CDYL: variants seen among roughly 807,000 people sequenced by gnomAD.
The protein encoded by CDYL is chromodomain Y-like protein.
In CDYL, 8 loss-of-function variants were observed where a neutral mutation model predicts 47.3. The ratio of observed to expected loss-of-function variants is 0.17; its 90% CI spans 0.10 to 0.31. The LOEUF (loss-of-function observed/expected upper bound fraction) is 0.31. Among genes scored for constraint, CDYL ranks in the 10% least tolerant of loss-of-function variants. The probability of loss-of-function intolerance (pLI) is 1.00; values close to 1 mark genes in which losing one functional copy is unlikely to be tolerated. For synonymous variants in CDYL, 266 were observed against 265.0 expected, an observed-to-expected ratio of 1.00 and a Z score of -0.04; for missense variants, 471 against 701.4, an observed-to-expected ratio of 0.67 and a Z score of 3.71.
At chr6:4,935,890 C>A in intron 3 of CDYL, 119 bp downstream of exon 3, 1 of 1,456,954 alleles carries the variant, frequency 6.9e-7, no homozygotes. Context: ...GGCCATCTCC[C>A]GATGCCCACC....
intron 1 of CDYL, among the ~76,000 whole-genome samples, chr6:4,819,363 C>A (rs922944175): frequency 6.6e-6 from 1 of 152,144 alleles, no homozygotes; most frequent in East Asian, 1.9e-4. Flanking sequence ...TCTCAAGCTT[C>A]CTTTGTTAAG....
At chr6:4,837,657 G>T (rs1220049596) in intron 1 of CDYL, among the ~76,000 whole-genome samples, 1 of 151,882 alleles carries the variant, frequency 6.6e-6, no homozygotes, top group African/African-American at 2.4e-5. Flanking sequence ...TAGAGACGAG[G>T]TTTCATCATG....
intron 3 of CDYL, among the ~76,000 whole-genome samples, chr6:4,759,036 C>A (rs1278326764): frequency 6.8e-6 from 1 of 147,470 alleles, no homozygotes; most frequent in Non-Finnish European, 1.5e-5. Context: ...GGCACGATCT[C>A]GGCTCACTGC....
chr6:4,816,417 A>T (rs1332249451), intron 1 of CDYL, among the ~76,000 whole-genome samples: 7 of 151,448 alleles, frequency 4.6e-5, no homozygotes, highest in African/African-American at 1.7e-4. Flanking sequence ...TTTATTTCCC[A>T]TCTGCTGGGT....
intron 1 of CDYL, among the ~76,000 whole-genome samples, chr6:4,790,464 A>G (rs1758888069): frequency 6.6e-6 from 1 of 152,212 alleles, no homozygotes; most frequent in Admixed American, 6.5e-5. Context: ...TCTTGGTATG[A>G]GGACTAGAGT....
intron 1 of CDYL, among the ~76,000 whole-genome samples, chr6:4,797,815 G>A (rs1301214517): frequency 6.6e-6 from 1 of 152,124 alleles, no homozygotes; most frequent in Non-Finnish European, 1.5e-5. Context: ...ACTGTGACTT[G>A]TTTATCCATT....
At chr6:4,738,240 G>T (rs1458182190) in intron 3 of CDYL, among the ~76,000 whole-genome samples, 1 of 152,098 alleles carries the variant, frequency 6.6e-6, no homozygotes, top group Non-Finnish European at 1.5e-5. Flanking sequence ...AGCCAGGCAT[G>T]GTGGTGCACA....
intron 3 of CDYL, among the ~76,000 whole-genome samples, chr6:4,743,542 G>A (rs932035508): frequency 7.2e-5 from 11 of 152,164 alleles, no homozygotes; most frequent in African/African-American, 2.7e-4. Context: ...TTTGCATGTT[G>A]CTTGCTTTAT....
At chr6:4,855,713 T>C (rs543004952) in intron 1 of CDYL, among the ~76,000 whole-genome samples, 1 of 152,182 alleles carries the variant, frequency 6.6e-6, no homozygotes, top group Admixed American at 6.5e-5. Context: ...CGTAAGCATA[T>C]AAGATGAAAA....
intron 2 of CDYL, among the ~76,000 whole-genome samples, chr6:4,894,927 G>GTATGTGCGTA (rs1723420225): frequency 6.8e-6 from 1 of 146,540 alleles, no homozygotes; most frequent in Admixed American, 6.7e-5. Flanking sequence ...ATACACATAT[G>GTATGTGCGTA]TATGTGTGTA....
rs540698977 is a variant in CDYL at position 4,931,037 on chromosome 6, A to G, written c.692-4478A>G. Reference sequence around the variant, plus strand: ...CAGCTACTTCTGCTCTGAAGTGTGGAGCTTACCATCCCTGGCTTGGGTTGA... The same window carrying G: ...CAGCTACTTCTGCTCTGAAGTGTGGGGCTTACCATCCCTGGCTTGGGTTGA... On this transcript the variant is annotated intron_variant, in intron 2 of 6. Transcript: ENST00000397588. 1.2e-4 allele frequency among the ~76,000 whole-genome samples: 19 copies of G among 152,190 alleles called. 1 individual carries two copies. In the South Asian group the frequency reaches 3.5e-3, roughly 28 times the overall value.
At chr6:4,907,760 T>G (rs1757284576) in intron 2 of CDYL, among the ~76,000 whole-genome samples, 1 of 152,228 alleles carries the variant, frequency 6.6e-6, no homozygotes, top group African/African-American at 2.4e-5. Flanking sequence ...TGTTACTGTA[T>G]TTATAAAACT....
intron 3 of CDYL, among the ~76,000 whole-genome samples, chr6:4,753,008 C>G (rs1335374480): frequency 6.6e-6 from 1 of 152,060 alleles, no homozygotes; most frequent in African/African-American, 2.4e-5. Context: ...GCCTCAACCT[C>G]CTGGGCTCAA....
chr6:4,759,386 A>G (rs552423515), intron 3 of CDYL, among the ~76,000 whole-genome samples: 4 of 152,364 alleles, frequency 2.6e-5, no homozygotes, highest in Admixed American at 2.6e-4. Context: ...ATATTAAAAC[A>G]GATTCACTTT....
upstream of CDYL, among the ~76,000 whole-genome samples, chr6:4,775,035 G>A (rs1758399538): frequency 2.6e-5 from 4 of 152,162 alleles, no homozygotes; most frequent in Admixed American, 2.6e-4. The surrounding 1 kb of genome is among the most constrained non-coding windows in gnomAD (Gnocchi z 7.0). Context: ...CCCCGTGGTT[G>A]TTGAAACGCT....
chr6:4,942,728 A>G (rs1344817640), intron 4 of CDYL, among the ~76,000 whole-genome samples: 1 of 152,208 alleles, frequency 6.6e-6, no homozygotes, highest in Non-Finnish European at 1.5e-5. Context: ...CTACTTTTCC[A>G]GCCTGATCTA....
intron 1 of CDYL, among the ~76,000 whole-genome samples, chr6:4,854,925 T>G (rs2127465423): frequency 6.6e-6 from 1 of 152,334 alleles, no homozygotes; most frequent in Non-Finnish European, 1.5e-5. Context: ...CAGCCAAGAC[T>G]CATGTTGAGA....
intron 2 of CDYL, among the ~76,000 whole-genome samples, chr6:4,894,834 C>CTGTGTGTGTGT (rs1554105536): frequency 6.9e-6 from 1 of 145,348 alleles, no homozygotes; most frequent in Admixed American, 6.8e-5. Flanking sequence ...CCACAAAAGT[C>CTGTGTGTGTGT]GTGTGTGTGT....
intron 6 of CDYL, 79 bp from the exon 7 acceptor site, chr6:4,953,819 C>T: frequency 1.5e-6 from 2 of 1,341,726 alleles, no homozygotes; most frequent in South Asian, 2.9e-5. Context: ...TGATGATTGC[C>T]TCCGTAAATG....
Sources: gnomAD v4.1 joint callset for allele counts (sites outside exome capture counted in the v4.1 genomes callset) on GRCh38, gnomAD v4.1.1 for gene constraint, Gnocchi (gnomAD v3.1) non-coding constraint, MANE v1.5 for transcripts, NCBI Gene and HGNC (gene_info 2026-07-23, HGNC 2026-07-21) for gene names.